CCNE2: variants seen among roughly 807,000 people sequenced by gnomAD.
CCNE2 encodes the protein G1/S-specific cyclin-E2.
CCNE2 carries 18 observed loss-of-function variants against 56.8 expected under a neutral mutation model. The ratio of observed to expected loss-of-function variants is 0.32; its 90% confidence interval spans 0.22 to 0.47. The LOEUF is 0.47. Among genes scored for constraint, CCNE2 ranks in the 20% least tolerant of loss-of-function variants. CCNE2 has a pLI of 1.00. For synonymous variants in CCNE2, 139 were observed against 149.2 expected (o/e 0.93, Z 0.50); for missense variants, 371 against 467.1 (o/e 0.79, Z 1.90).
intron 8 of CCNE2, 103 bp from the exon 9 acceptor site, chr8:94,885,304 C>T: frequency 1.7e-6 from 2 of 1,209,404 alleles, no homozygotes; most frequent in East Asian, 2.3e-5. Context: ...CCAACCATAA[C>T]CATTGTCAAT....
rs147150184 is a variant in CCNE2, at chr8:94,881,751, C to T, written c.1102-6G>A. ...TTTATGTAATTTACTTCCTCCTATACATGGGAAGAAATCATGCACTGATTT... is the reference window on the plus strand; with the variant it reads ...TTTATGTAATTTACTTCCTCCTATATATGGGAAGAAATCATGCACTGATTT... On this transcript the variant is annotated splice_polypyrimidine_tract_variant and splice_region_variant and intron_variant, in intron 11 of 11. Coordinates refer to ENST00000308108, the MANE Select transcript of CCNE2 (RefSeq NM_057749.3). 3 of 1,613,316 alleles carry T rather than the reference C, an allele frequency of 1.9e-6. No homozygotes were observed. Among genetic ancestry groups the T allele is most frequent in the Admixed American group, 1.7e-5 (1 of 59,910 alleles).
intron 9 of CCNE2, chr8:94,883,597 G>C: frequency 4.1e-6 from 1 of 241,702 alleles, no homozygotes; most frequent in Non-Finnish European, 8.6e-6. Flanking sequence ...GTCTAGATTG[G>C]ATCACAAAGG....
At chr8:94,892,617 T>C (rs986179892) in intron 5 of CCNE2, among the ~76,000 whole-genome samples, 5 of 152,170 alleles carry the variant, frequency 3.3e-5, no homozygotes, top group Admixed American at 2.0e-4. Flanking sequence ...CAAATGAAAA[T>C]AATTTTATAG....
intron 11 of CCNE2, 40 bp downstream of exon 11, chr8:94,882,092 A>G: frequency 6.4e-7 from 1 of 1,566,752 alleles, no homozygotes; most frequent in Non-Finnish European, 8.7e-7. Flanking sequence ...GACTTACTAG[A>G]TTCAGATAGC....
upstream of CCNE2, among the ~76,000 whole-genome samples, chr8:94,895,568 C>A (rs951958001): frequency 2.0e-5 from 3 of 152,308 alleles, no homozygotes; most frequent in African/African-American, 7.2e-5. Context: ...CGGCTCAGCC[C>A]GGGCGCATAA....
chr8:94,885,631 G>A lies in CCNE2; in HGVS notation c.601-73C>T. On this transcript the variant is annotated intron_variant, in intron 7 of 11. Transcript: ENST00000308108. ...TTACAAATGTTCCTCAGTCTACAAT[G>A]GGGTTACATCCCAATAAACCAAAAT... 4.5e-6 allele frequency: 4 copies of A among 882,068 alleles called. No individual in the cohort carries two copies. In the South Asian group the frequency reaches 6.9e-5, roughly 15 times the overall value. The allele number at this position is 882,068 out of a possible 1,614,324, so 54.6% of individuals were successfully genotyped here. A position where few individuals can be genotyped will look rare whatever the true frequency, so the allele number is the denominator to read the frequency against.
upstream of CCNE2, among the ~76,000 whole-genome samples, chr8:94,895,573 G>A (rs571211724): frequency 6.6e-6 from 1 of 152,328 alleles, no homozygotes; most frequent in South Asian, 2.1e-4. Flanking sequence ...CAGCCCGGGC[G>A]CATAACAGGG....
chr8:94,894,952 G>A (rs1273428186), intron 1 of CCNE2, among the ~76,000 whole-genome samples: 4 of 152,128 alleles, frequency 2.6e-5, no homozygotes, highest in Non-Finnish European at 2.9e-5. Context: ...AATGAGGGTG[G>A]GATAGAGAAG....
At chr8:94,886,371 T>C (rs1159882800) in intron 7 of CCNE2, among the ~76,000 whole-genome samples, 2 of 151,942 alleles carry the variant, frequency 1.3e-5, no homozygotes, top group Non-Finnish European at 2.9e-5. Flanking sequence ...ACAGCCAAAC[T>C]TGCTTTAAGA....
intron 5 of CCNE2, chr8:94,892,038 G>C: frequency 1.3e-6 from 1 of 760,030 alleles, no homozygotes; most frequent in Admixed American, 1.8e-5. Context: ...AACCAGAAGA[G>C]GCGGTTGCCC....
intron 7 of CCNE2, among the ~76,000 whole-genome samples, chr8:94,886,524 A>G (rs1364929902): frequency 6.6e-6 from 1 of 150,638 alleles, no homozygotes; most frequent in South Asian, 2.1e-4. Flanking sequence ...GTGAGCAACA[A>G]AGAGAAACGC....
chr8:94,886,866 C>G (rs1254344365), intron 7 of CCNE2, among the ~76,000 whole-genome samples: 1 of 152,092 alleles, frequency 6.6e-6, no homozygotes, highest in Non-Finnish European at 1.5e-5. Context: ...TAGGTGTCTC[C>G]CACATAGGAG....
At chr8:94,896,171 T>G (rs543696548), upstream of CCNE2, among the ~76,000 whole-genome samples, 1 of 151,736 alleles carries the variant, frequency 6.6e-6, no homozygotes, top group South Asian at 2.1e-4. Flanking sequence ...GGAACGGCAT[T>G]CCTCCTCCCC....
chr8:94,893,009 A>G, intron 4 of CCNE2, 40 bp from the exon 5 acceptor site: 1 of 1,488,126 alleles, frequency 6.7e-7, no homozygotes, highest in East Asian at 2.6e-5. Flanking sequence ...TTGTGCAAGG[A>G]AAACCTTAGT....
chr8:94,888,105 C>G (rs1435986771), intron 6 of CCNE2, 32 bp from the exon 7 acceptor site: 1 of 1,450,458 alleles, frequency 6.9e-7, no homozygotes, highest in Non-Finnish European at 9.3e-7. Flanking sequence ...TAAATATTAT[C>G]TTCTGAATTT....
At chr8:94,892,232 A>G in intron 5 of CCNE2, 1 of 364,776 alleles carries the variant, frequency 2.7e-6, no homozygotes, top group Non-Finnish European at 5.2e-6. Context: ...CTCTAAATAG[A>G]TCATCTACAG....
In CCNE2 at chr8:94,885,506, C is replaced by G; in HGVS notation, c.653G>C (p.Cys218Ser). 1 of 1,609,146 alleles carries G rather than the reference C, an allele frequency of 6.2e-7. No individual in the cohort carries two copies. The highest frequency in any genetic ancestry group is 8.5e-7 in the Non-Finnish European group (1 of 1,176,448). The change falls in exon 8 of 12, where the codon TGC (cysteine) becomes TCC (serine). Residue 218 changes from cysteine (C) to serine (S), a missense_variant. By Grantham distance (112) the Cys-to-Ser change is moderately radical. Transcript: ENST00000308108. Reference sequence around the variant, plus strand: ...CATCCTTAAGATATCCTCTTCACTGCAAGCACCATCAGTGACGTAAGCAAA... The same window carrying G: ...CATCCTTAAGATATCCTCTTCACTGGAAGCACCATCAGTGACGTAAGCAAA... Reference protein sequence around the residue: ...QEFAYVTDGACSEEDILRMEL... With the variant: ...QEFAYVTDGASSEEDILRMEL...
intron 4 of CCNE2, 59 bp from the exon 5 acceptor site, chr8:94,893,028 T>C (rs1325616916): frequency 7.5e-7 from 1 of 1,340,024 alleles, no homozygotes; most frequent in African/African-American, 1.5e-5. Flanking sequence ...GTTTTTGTAA[T>C]GGATCTTTCA....
chr8:94,895,498 C>A (rs1182349176), upstream of CCNE2, among the ~76,000 whole-genome samples: 1 of 152,226 alleles, frequency 6.6e-6, no homozygotes, highest in African/African-American at 2.4e-5. Context: ...CGCGCATCTC[C>A]CGCCAGTTTG....
Sources: gnomAD v4.1 joint callset for allele counts (sites outside exome capture counted in the v4.1 genomes callset) on GRCh38, gnomAD v4.1.1 for gene constraint, MANE v1.5 for transcripts, NCBI Gene and HGNC (gene_info 2026-07-23, HGNC 2026-07-21) for gene names.